Variants in METAP2 observed in about 807,000 individuals in gnomAD.
METAP2 encodes the protein methionyl aminopeptidase 2.
Under a neutral mutation model 59.4 loss-of-function variants are expected in METAP2, and 25 were observed. The ratio of observed to expected loss-of-function variants is 0.42; its 90% confidence interval spans 0.31 to 0.59. The LOEUF is 0.59. METAP2 is among the 20% of genes least tolerant of loss of function. The pLI is 0.16. For missense variants in METAP2, 366 were observed against 581.2 expected (o/e 0.63, Z 3.81); for synonymous variants, 214 against 194.1 (o/e 1.10, Z -0.85).
At chr12:95,507,793 T>TGA (rs1396191779) in intron 8 of METAP2, among the ~76,000 whole-genome samples, 2 of 151,686 alleles carry the variant, frequency 1.3e-5, no homozygotes, top group Non-Finnish European at 2.9e-5. Context: ...TTTTTTTTTT[T>TGA]GAGAGAGACT....
At chr12:95,507,454 G>A (rs1389798738) in intron 8 of METAP2, among the ~76,000 whole-genome samples, 1 of 152,242 alleles carries the variant, frequency 6.6e-6, no homozygotes, top group South Asian at 2.1e-4. Flanking sequence ...GTTGCATAAA[G>A]AACATGGCAA....
Position 95,512,002 on chromosome 12 carries a change from T to C in METAP2, c.1068+4T>C. On this transcript the variant is annotated splice_donor_region_variant and intron_variant, in intron 9 of 10. Coordinates refer to ENST00000323666, the MANE Select transcript of METAP2 (RefSeq NM_006838.4). ...AGGGGAGGCAACAAGAATGGAGGTA[T>C]GTGTGTCACTAACATTTTACTTCCA... 1 of 1,594,686 alleles carries C rather than the reference T, an allele frequency of 6.3e-7. No individual in the cohort carries two copies. Among genetic ancestry groups the C allele is most frequent in the Non-Finnish European group, 8.6e-7 (1 of 1,163,918 alleles).
chr12:95,488,469 A>G (rs1295199792), intron 4 of METAP2, among the ~76,000 whole-genome samples: 1 of 144,604 alleles, frequency 6.9e-6, no homozygotes, highest in Non-Finnish European at 1.5e-5. Context: ...AGATTGCACC[A>G]CTGCACTACA....
At chr12:95,503,052 T>G (rs1455325185) in intron 7 of METAP2, among the ~76,000 whole-genome samples, 6 of 151,526 alleles carry the variant, frequency 4.0e-5, no homozygotes, top group Admixed American at 2.0e-4. Flanking sequence ...TGCCATCAGG[T>G]GTTTTTTCAG....
At chr12:95,513,008 G>T in intron 10 of METAP2, 92 bp downstream of exon 10, 1 of 616,984 alleles carries the variant, frequency 1.6e-6, no homozygotes, top group East Asian at 3.3e-5. Context: ...ATACAAAATA[G>T]TATATTCATG....
At chr12:95,483,008 C>G (rs1282762208) in intron 2 of METAP2, among the ~76,000 whole-genome samples, 2 of 152,202 alleles carry the variant, frequency 1.3e-5, no homozygotes, top group African/African-American at 2.4e-5. Flanking sequence ...CTCAGCTTCC[C>G]TAGTAGCTGG....
chr12:95,491,886 G>T (rs1233458818), intron 4 of METAP2, among the ~76,000 whole-genome samples: 1 of 152,008 alleles, frequency 6.6e-6, no homozygotes, highest in African/African-American at 2.4e-5. Flanking sequence ...GCTAAGTTCA[G>T]CCTTGACCTC....
At chr12:95,506,161 C>T (rs1042394965) in intron 8 of METAP2, among the ~76,000 whole-genome samples, 3 of 151,980 alleles carry the variant, frequency 2.0e-5, no homozygotes, top group Admixed American at 6.5e-5. Flanking sequence ...ACGGTTGCAG[C>T]CCAACCCCCT....
intron 5 of METAP2, among the ~76,000 whole-genome samples, chr12:95,494,729 G>A (rs573015500): frequency 1.3e-5 from 2 of 152,254 alleles, no homozygotes; most frequent in Admixed American, 6.5e-5. Flanking sequence ...AAAGTGGATT[G>A]TGTTTCTCTG....
At chr12:95,483,346 CACACCTGTG>C in intron 3 of METAP2, 66 bp downstream of exon 3, 2 of 1,286,650 alleles carry the variant, frequency 1.6e-6, no homozygotes, top group Non-Finnish European at 2.2e-6. Context: ...TGTGGTGGCT[CACACCTGTG>C]ATCCCAGCTA....
At chr12:95,474,552 G>A (rs1265660488) in intron 1 of METAP2, among the ~76,000 whole-genome samples, 1 of 152,176 alleles carries the variant, frequency 6.6e-6, no homozygotes, top group Non-Finnish European at 1.5e-5. Flanking sequence ...AGTGCCTGAG[G>A]TTGGCGTGTG....
chr12:95,478,396 T>C (rs935415179), intron 2 of METAP2, among the ~76,000 whole-genome samples: 2 of 152,148 alleles, frequency 1.3e-5, no homozygotes, highest in African/African-American at 4.8e-5. Flanking sequence ...TTTGGGAGGC[T>C]GAGGTGGGTG....
intron 3 of METAP2, among the ~76,000 whole-genome samples, chr12:95,484,291 T>G (rs1643516710): frequency 6.6e-6 from 1 of 151,986 alleles, no homozygotes; most frequent in South Asian, 2.1e-4. Flanking sequence ...ATCCTTCCAC[T>G]CTAAGAAGAG....
intron 7 of METAP2, among the ~76,000 whole-genome samples, chr12:95,497,748 G>A (rs1412575611): frequency 6.6e-6 from 1 of 151,982 alleles, no homozygotes; most frequent in Non-Finnish European, 1.5e-5. Context: ...CTATTTTCTG[G>A]GTAGTTTTTG....
intron 3 of METAP2, among the ~76,000 whole-genome samples, chr12:95,485,178 A>T (rs1400652048): frequency 8.3e-6 from 1 of 120,968 alleles, no homozygotes; most frequent in Non-Finnish European, 1.9e-5. Context: ...CATTTTGTAG[A>T]TGAGGAAACT....
In METAP2 at chr12:95,476,136, A is replaced by G; in HGVS notation, c.217A>G (p.Arg73Gly). The G allele has an allele frequency of 6.2e-7, 1 of 1,612,330 alleles. No homozygotes were observed. Among genetic ancestry groups the G allele is most frequent in the Non-Finnish European group, 8.5e-7 (1 of 1,179,090 alleles). The part of the protein sequence containing the change: ...SVDEVARQLE[R>G]SALEDKERDE... ...GGATGAAGTAGCAAGACAGTTGGAAAGATCAGCATTGGAAGATAAAGAAAG... is the reference window on the plus strand; with the variant it reads ...GGATGAAGTAGCAAGACAGTTGGAAGGATCAGCATTGGAAGATAAAGAAAG... The change falls in exon 2 of 11, where the codon AGA becomes GGA. Residue 73 changes from arginine to glycine, a missense_variant. By Grantham distance (125) the Arg-to-Gly change is moderately radical. Around this residue, in one of 4 missense-constraint regions of METAP2, gnomAD observed 177 missense variants for 180.3 expected, o/e 0.98. Transcript: ENST00000323666.
intron 7 of METAP2, 63 bp downstream of exon 7, chr12:95,496,161 A>C: frequency 9.5e-7 from 1 of 1,058,108 alleles, no homozygotes; most frequent in Non-Finnish European, 1.4e-6. Flanking sequence ...TCTTTTAAAC[A>C]CTTAACAGCA....
intron 4 of METAP2, among the ~76,000 whole-genome samples, chr12:95,486,387 C>T (rs2076197174): frequency 6.6e-6 from 1 of 151,752 alleles, no homozygotes; most frequent in South Asian, 2.1e-4. Flanking sequence ...TTTCCTGAAA[C>T]CTTTTGATAG....
chr12:95,500,154 T>G (rs949851926), intron 7 of METAP2, among the ~76,000 whole-genome samples: 1 of 152,258 alleles, frequency 6.6e-6, no homozygotes, highest in Non-Finnish European at 1.5e-5. Flanking sequence ...TTCCTAAGTT[T>G]TTTTTTTTTA....
Sources: allele counts gnomAD v4.1 joint callset (sites outside exome capture counted in the v4.1 genomes callset), GRCh38; gene constraint gnomAD v4.1.1; regional missense constraint gnomAD v4.1.1; transcripts MANE v1.5; gene names NCBI Gene and HGNC (gene_info 2026-07-23, HGNC 2026-07-21).